DENND4C: variants seen among roughly 807,000 people sequenced by gnomAD.
DENND4C encodes DENN domain containing 4C.
Under a neutral mutation model 203.0 loss-of-function variants are expected in DENND4C, and 108 were observed. The ratio of observed to expected loss-of-function variants is 0.53; its 90% CI spans 0.46 to 0.62. The LOEUF is 0.62. Among genes scored for constraint, DENND4C ranks in the 20% least tolerant of loss-of-function variants. DENND4C has a pLI of 0.00. For missense variants in DENND4C, 2,481 were observed against 2,301.2 expected (o/e 1.08, Z -1.60); for synonymous variants, 871 against 792.4 (o/e 1.10, Z -1.67).
chr9:19,307,249 G>T (rs970929949), intron 10 of DENND4C, among the ~76,000 whole-genome samples: 1 of 151,834 alleles, frequency 6.6e-6, no homozygotes, highest in Non-Finnish European at 1.5e-5. Context: ...TAAAAAATTA[G>T]CTAGGAGTGG....
intron 10 of DENND4C, among the ~76,000 whole-genome samples, chr9:19,311,984 AG>A (rs1840822740): frequency 6.6e-6 from 1 of 152,236 alleles, no homozygotes; most frequent in African/African-American, 2.4e-5. Flanking sequence ...AAATAGAAAA[AG>A]AAAAATCCAG....
At position 19,360,523 on chromosome 9, in the gene DENND4C, T is replaced by G. The variant is rs543085454; in HGVS notation, c.5406+34T>G. 2.5e-6 allele frequency: 4 copies of G among 1,612,864 alleles called. No homozygotes were observed. The South Asian group carries it at 4.4e-5, about 18-fold the overall frequency. ...CCAACTTTTATACTTACATTAGTAT[T>G]CAGTAGGATGAGGCTTAACTTCAAG... On this transcript the variant is annotated intron_variant, in intron 29 of 32. Transcript: ENST00000434457.
rs754249361 is a variant in DENND4C, at chr9:19,357,173, A to C, written c.4964+19A>C. 6.2e-7 allele frequency: 1 copy of C among 1,612,940 alleles called. No individual in the cohort carries two copies. The highest frequency in any genetic ancestry group is 1.3e-5 in the African/African-American group (1 of 75,002). ...AACCAAGGTATCAAAGGGTACAGAG[A>C]CCTCTTTATGTAGTAATAAATGGGG... On this transcript the variant is annotated intron_variant, in intron 27 of 32. Coordinates refer to ENST00000434457, the MANE Select transcript of DENND4C (RefSeq NM_001330640.2).
At chr9:19,292,181 G>A (rs1836474862) in intron 5 of DENND4C, 2 of 150,332 alleles carry the variant, frequency 1.3e-5, no homozygotes, top group Non-Finnish European at 2.9e-5. Flanking sequence ...GCGTCACCAC[G>A]CCCAGCTAAT....
At chr9:19,296,313 G>T in intron 6 of DENND4C, 67 bp downstream of exon 6, 20 of 992,436 alleles carry the variant, frequency 2.0e-5, no homozygotes, top group South Asian at 7.1e-5. Context: ...ATTTGTTTGT[G>T]TAATTTTTAG....
intron 17 of DENND4C, among the ~76,000 whole-genome samples, chr9:19,333,022 T>A (rs928847859): frequency 6.7e-6 from 1 of 150,198 alleles, no homozygotes; most frequent in Non-Finnish European, 1.5e-5. Context: ...AATATATTTT[T>A]TATTTATATT....
At position 19,326,175 on chromosome 9, in the gene DENND4C, G is replaced by A. The variant is rs1817788854; in HGVS notation, c.2101G>A (p.Asp701Asn). The change falls in exon 15 of 33, where the codon GAC becomes AAC. Residue 701 changes from aspartate to asparagine, a missense_variant. Physicochemically the swap from Asp to Asn is conservative, Grantham distance 23 (BLOSUM62 1). Around this residue, in one of 3 missense-constraint regions of DENND4C, gnomAD observed 2,289 missense variants for 2,113.3 expected, o/e 1.08. Transcript: ENST00000434457. ...AGAGCCACCTCCTGATGATGGAAAG[G>A]ACCTGTCACCAAAGTACAGGTAGTA... The part of the protein sequence containing the change: ...PPEPPPDDGK[D>N]LSPKYSYKYF... 2 of 1,612,296 alleles carry A rather than the reference G, an allele frequency of 1.2e-6. No homozygotes were observed. Among genetic ancestry groups the A allele is most frequent in the South Asian group, 2.2e-5 (2 of 90,554 alleles).
At position 19,265,190 on chromosome 9, in the gene DENND4C, A is replaced by AT. The variant is rs542287802; in HGVS notation, c.-17-10959dup. Among the ~76,000 whole-genome samples the AT allele has an allele frequency of 2.3e-3, 348 of 150,190 alleles. 1 individual carries two copies. Among genetic ancestry groups the AT allele is most frequent in the Non-Finnish European group, 2.6e-3 (176 of 67,360 alleles). On this transcript the variant is annotated intron_variant, in intron 1 of 32. Transcript: ENST00000434457. ...CCACCAGGCCTGGCTAAGTTACTGT[A>AT]TTTTTTTTTAGAGTTGAGGTTCTAC...
At chr9:19,257,450 T>C (rs1431698606) in intron 1 of DENND4C, among the ~76,000 whole-genome samples, 1 of 151,694 alleles carries the variant, frequency 6.6e-6, no homozygotes, top group African/African-American at 2.4e-5. Context: ...AATAACTAAA[T>C]TAGAAAAGAT....
intron 22 of DENND4C, among the ~76,000 whole-genome samples, chr9:19,343,470 G>C (rs1194840311): frequency 1.3e-5 from 2 of 152,202 alleles, no homozygotes; most frequent in East Asian, 3.8e-4. Flanking sequence ...TGACTGTCTT[G>C]TCTGAAAATG....
At chr9:19,326,500 CAA>C (rs2131698743) in intron 15 of DENND4C, among the ~76,000 whole-genome samples, 1 of 152,036 alleles carries the variant, frequency 6.6e-6, no homozygotes, top group East Asian at 1.9e-4. Context: ...CATTTTGAAA[CAA>C]AGACTGTGAA....
In DENND4C at chr9:19,336,821, A is replaced by T; in HGVS notation, c.2870A>T (p.His957Leu). 1 of 1,548,998 alleles carries T rather than the reference A, an allele frequency of 6.5e-7. No individual in the cohort carries two copies. Among genetic ancestry groups the T allele is most frequent in the Non-Finnish European group, 8.7e-7 (1 of 1,146,420 alleles). The change falls in exon 20 of 33, where the codon CAC becomes CTC. Residue 957 changes from histidine to leucine, a missense_variant. This residue lies in a region of DENND4C where 2,289 missense variants were observed against 2,113.3 expected (regional missense o/e 1.08). Coordinates refer to ENST00000434457, the MANE Select transcript of DENND4C (RefSeq NM_001330640.2). ...DLIRLESIDN[H>L]SSTGGQSDQG... ...ATCAGGCTTGAGTCCATTGATAATC[A>T]CTCTAGCACAGGTACTAAAATCCAG...
chr9:19,290,583 A>T, intron 4 of DENND4C, 121 bp from the exon 5 acceptor site: 1 of 654,634 alleles, frequency 1.5e-6, no homozygotes, highest in Non-Finnish European at 2.2e-6. Flanking sequence ...AATCAATTTT[A>T]AAATACCACA....
Position 19,373,628 on chromosome 9 carries a change from G to C in DENND4C, c.*1455G>C, listed in dbSNP as rs370487073. On this transcript the variant is annotated 3_prime_UTR_variant, in exon 33 of 33. Coordinates refer to ENST00000434457, the MANE Select transcript of DENND4C (RefSeq NM_001330640.2). ...TTGCCAGTAGGTTTAAGAAAATCAT[G>C]ATCTCACATGCCTCACTTTGACATT... The C allele has an allele frequency of 3.3e-5, 5 of 152,716 alleles. No homozygotes were observed. In the East Asian group the frequency reaches 9.6e-4, roughly 29 times the overall value. The allele number at this position is 152,716 out of a possible 1,614,324, so 9.5% of individuals were successfully genotyped here.
intron 10 of DENND4C, among the ~76,000 whole-genome samples, chr9:19,308,773 T>C (rs1397220378): frequency 6.6e-6 from 1 of 152,214 alleles, no homozygotes; most frequent in Non-Finnish European, 1.5e-5. Context: ...TCTTAAGTTG[T>C]GAGGTTTGCC....
rs906134758 is a variant in DENND4C at position 19,345,956 on chromosome 9, C to T, written c.3187C>T (p.Pro1063Ser). ...AAATGTGCTGTTTTCTACTCAAGAT[C>T]CAGTTGAAGATGCAGTCTTTGGCGA... ...ISNVLFSTQD[P>S]VEDAVFGEAT... The change falls in exon 23 of 33, where the codon CCA becomes TCA. Residue 1063 changes from proline (P) to serine (S), a missense_variant. Around this residue, in one of 3 missense-constraint regions of DENND4C, gnomAD observed 2,289 missense variants for 2,113.3 expected, o/e 1.08. Coordinates refer to ENST00000434457, the MANE Select transcript of DENND4C (RefSeq NM_001330640.2). 2.5e-6 allele frequency: 4 copies of T among 1,613,532 alleles called. No individual in the cohort carries two copies. The South Asian group carries it at 3.3e-5, about 13-fold the overall frequency.
intron 22 of DENND4C, among the ~76,000 whole-genome samples, chr9:19,345,635 A>G (rs1239439792): frequency 6.6e-6 from 1 of 152,236 alleles, no homozygotes; most frequent in Non-Finnish European, 1.5e-5. Context: ...TTAGTGAAGA[A>G]CACAGGTATA....
intron 1 of DENND4C, among the ~76,000 whole-genome samples, chr9:19,259,661 A>G (rs1414728783): frequency 6.7e-6 from 1 of 149,564 alleles, no homozygotes; most frequent in East Asian, 2.0e-4. Context: ...ATGTCCCACC[A>G]CTCCTGGCTA....
intron 23 of DENND4C, among the ~76,000 whole-genome samples, chr9:19,350,036 G>A (rs934460805): frequency 5.9e-5 from 9 of 152,022 alleles, no homozygotes; most frequent in Admixed American, 6.5e-5. Context: ...TTTATAACAA[G>A]GAAGACACAA....
Sources: gnomAD v4.1 joint callset for allele counts (sites outside exome capture counted in the v4.1 genomes callset) on GRCh38, gnomAD v4.1.1 for gene constraint, gnomAD v4.1.1 regional missense constraint, MANE v1.5 for transcripts, NCBI Gene and HGNC (gene_info 2026-07-23, HGNC 2026-07-21) for gene names.